The following P3H2 variants were observed in gnomAD, a reference collection of about 807,000 sequenced individuals.
P3H2 encodes the protein leprecan-like 1.
In P3H2, 80 loss-of-function variants were observed where a neutral mutation model predicts 87.0. That is an observed-to-expected ratio of 0.92 (90% CI 0.77 to 1.11). The LOEUF (loss-of-function observed/expected upper bound fraction) is 1.11. P3H2 is among the 50% of genes least tolerant of loss of function. The probability of loss-of-function intolerance (pLI) is 0.00; values close to 1 mark genes in which losing one functional copy is unlikely to be tolerated. For synonymous variants in P3H2, 367 were observed against 359.3 expected, an observed-to-expected ratio of 1.02 and a Z score of -0.24; for missense variants, 1,001 against 923.9, an observed-to-expected ratio of 1.08 and a Z score of -1.08.
intron 9 of P3H2, 40 bp from the exon 10 acceptor site, chr3:189,974,044 T>G: frequency 6.6e-7 from 1 of 1,509,776 alleles, no homozygotes; most frequent in South Asian, 1.1e-5. Context: ...CAATGATAAC[T>G]ATGAATTCAT....
intron 1 of P3H2, among the ~76,000 whole-genome samples, chr3:190,011,230 G>A (rs1316112800): frequency 6.8e-6 from 1 of 146,880 alleles, no homozygotes; most frequent in African/African-American, 2.5e-5. Context: ...CCGAGATTGC[G>A]CCACTGCACT....
intron 1 of P3H2, among the ~76,000 whole-genome samples, chr3:190,087,042 C>T (rs2108983063): frequency 6.6e-6 from 1 of 152,288 alleles, no homozygotes; most frequent in East Asian, 1.9e-4. Flanking sequence ...TTATGAAAAT[C>T]CATGCTATTT....
chr3:190,104,096 G>C (rs1287714281), intron 1 of P3H2, among the ~76,000 whole-genome samples: 1 of 152,126 alleles, frequency 6.6e-6, no homozygotes, highest in East Asian at 1.9e-4. Flanking sequence ...CCTGCCTTCA[G>C]TAGCTTTTTG....
At chr3:190,038,825 TAA>T (rs888101663) in intron 1 of P3H2, among the ~76,000 whole-genome samples, 1 of 152,206 alleles carries the variant, frequency 6.6e-6, no homozygotes, top group African/African-American at 2.4e-5. Context: ...AGGCAGAGGT[TAA>T]AAGTTTTAAA....
chr3:189,967,500 ACTTT>A (rs1723038902), intron 13 of P3H2, among the ~76,000 whole-genome samples: 4 of 149,128 alleles, frequency 2.7e-5, no homozygotes, highest in Non-Finnish European at 4.4e-5. Context: ...CACCTGTCTG[ACTTT>A]CTTTGAAACT....
chr3:189,971,088 T>G (rs1367733267), intron 12 of P3H2, among the ~76,000 whole-genome samples, 197 bp from the exon 13 acceptor site: 1 of 152,242 alleles, frequency 6.6e-6, no homozygotes, highest in East Asian at 1.9e-4. Flanking sequence ...AAGAGTTTAC[T>G]TATTCCACCT....
Position 190,120,278 on chromosome 3 carries a change from T to C in P3H2, c.454A>G (p.Asn152Asp), listed in dbSNP as rs1442140185. ...RSDFQRRVPY[N>D]YLQRAYIKLN... ...TTGATGTAGGCCCGCTGCAGGTAGT[T>C]GTAGGGCACTCTGCGCTGGAAGTCG... The change falls in exon 1 of 15, where the codon AAC becomes GAC. Residue 152 changes from asparagine (N) to aspartate (D), a missense_variant. Transcript: ENST00000319332. The C allele has an allele frequency of 6.2e-7, 1 of 1,611,252 alleles. No individual in the cohort carries two copies. Among genetic ancestry groups the C allele is most frequent in the Admixed American group, 1.7e-5 (1 of 59,810 alleles).
At chr3:189,969,570 A>G (rs570173822) in intron 13 of P3H2, 8 of 1,286,472 alleles carry the variant, frequency 6.2e-6, no homozygotes, top group Admixed American at 5.0e-5. Flanking sequence ...TCCTCCCTCA[A>G]GGAGCCACAA....
chr3:190,055,336 CATT>C (rs1483890185), intron 1 of P3H2, among the ~76,000 whole-genome samples: 2 of 152,142 alleles, frequency 1.3e-5, no homozygotes, highest in African/African-American at 2.4e-5. Flanking sequence ...CAAAAAGTGA[CATT>C]ATATTTAATT....
intron 1 of P3H2, among the ~76,000 whole-genome samples, chr3:190,007,965 C>CACACACACACACACATAT: frequency 1.8e-4 from 17 of 94,322 alleles, no homozygotes; most frequent in East Asian, 3.8e-4. Flanking sequence ...TGTTGACACA[C>CACACACACACACACATAT]ATATATATAT....
intron 1 of P3H2, among the ~76,000 whole-genome samples, chr3:190,095,748 C>G (rs1256220553): frequency 2.0e-5 from 3 of 151,886 alleles, no homozygotes; most frequent in Non-Finnish European, 4.4e-5. Flanking sequence ...CTACAGGCGC[C>G]CGCCACCACG....
intron 1 of P3H2, among the ~76,000 whole-genome samples, chr3:190,054,242 C>T (rs1577298997): frequency 1.3e-5 from 2 of 152,182 alleles, no homozygotes; most frequent in African/African-American, 4.8e-5. Flanking sequence ...AAGATTCTGC[C>T]TTATATAACT....
At chr3:190,065,460 A>G (rs543304323) in intron 1 of P3H2, among the ~76,000 whole-genome samples, 8 of 152,266 alleles carry the variant, frequency 5.3e-5, no homozygotes, top group Non-Finnish European at 1.0e-4. Context: ...TATATGAGAA[A>G]TAAACTTTTA....
At chr3:190,096,298 A>G (rs1727583544) in intron 1 of P3H2, among the ~76,000 whole-genome samples, 1 of 152,174 alleles carries the variant, frequency 6.6e-6, no homozygotes, top group Non-Finnish European at 1.5e-5. Context: ...TGGTGATTTG[A>G]TCACAGAGGC....
At position 189,994,168 on chromosome 3, in the gene P3H2, AGG is replaced by A. The variant is rs774833091; in HGVS notation, c.747_748del (p.Leu250MetfsTer2). On this transcript the variant is annotated frameshift_variant, in exon 3 of 15. Coordinates refer to ENST00000319332, the MANE Select transcript of P3H2 (RefSeq NM_018192.4). LOFTEE classifies it high-confidence loss of function. ...TTCAAATCTCTGAGGCCCCTCACAT[AGG>A]GTCCGGCATTCTGTATCTTCAACGA... 1.2e-6 allele frequency: 2 copies of A among 1,613,726 alleles called. No homozygotes were observed. The highest frequency in any genetic ancestry group is 1.7e-6 in the Non-Finnish European group (2 of 1,179,802).
At chr3:190,121,014 C>G, upstream of P3H2, 1 of 465,016 alleles carries the variant, frequency 2.2e-6, no homozygotes, top group Non-Finnish European at 3.7e-6. Context: ...GGCGGGGCTG[C>G]CAGGGGCGGC....
chr3:190,051,856 G>A (rs573180517), intron 1 of P3H2, among the ~76,000 whole-genome samples: 9 of 152,244 alleles, frequency 5.9e-5, no homozygotes, highest in African/African-American at 2.2e-4. Context: ...TGTGGAGGAG[G>A]ATGGAAAATT....
intron 1 of P3H2, among the ~76,000 whole-genome samples, chr3:190,022,911 C>T (rs1227939412): frequency 6.6e-6 from 1 of 152,102 alleles, no homozygotes; most frequent in African/African-American, 2.4e-5. Context: ...ACTGCAAGTT[C>T]CACCTCCCGG....
chr3:189,988,377 G>A (rs948668251), intron 4 of P3H2, among the ~76,000 whole-genome samples: 20 of 81,908 alleles, frequency 2.4e-4, no homozygotes, highest in Admixed American at 5.3e-4. Context: ...TACAATATAC[G>A]TATGTGTGTA....
Sources: allele counts gnomAD v4.1 joint callset (sites outside exome capture counted in the v4.1 genomes callset), GRCh38; gene constraint gnomAD v4.1.1; transcripts MANE v1.5; gene names NCBI Gene and HGNC (gene_info 2026-07-23, HGNC 2026-07-21).